The following ACSS1 variants were observed in gnomAD, a reference collection of about 807,000 sequenced individuals.
ACSS1 encodes acetyl-coenzyme A synthetase 2-like, mitochondrial.
Under a neutral mutation model 75.3 loss-of-function variants are expected in ACSS1, and 42 were observed. The observed-to-expected ratio is 0.56, with a 90% CI of 0.44 to 0.72. ACSS1 has a LOEUF of 0.72. ACSS1 is among the 30% of genes least tolerant of loss of function. The pLI, the probability that ACSS1 is intolerant of heterozygous loss-of-function variation, is 0.00. For synonymous variants in ACSS1, 380 were observed against 376.8 expected, an observed-to-expected ratio of 1.01 and a Z score of -0.10; for missense variants, 782 against 935.7, an observed-to-expected ratio of 0.84 and a Z score of 2.14.
Position 25,015,274 on chromosome 20 carries a change from A to G in ACSS1, c.1247-44T>C, listed in dbSNP as rs1248914628. On this transcript the variant is annotated intron_variant, in intron 7 of 13. Transcript: ENST00000323482. ...AAAAAGATGTTAACAGGCTGCAAAT[A>G]AACCTGAAACCAAAGGGAAGTTTTG... 6 of 1,499,066 alleles carry G rather than the reference A, an allele frequency of 4.0e-6. No homozygotes were observed. In the East Asian group the frequency reaches 1.4e-4, roughly 35 times the overall value. The allele number at this position is 1,499,066 out of a possible 1,614,324, so 92.9% of individuals were successfully genotyped here. A position where few individuals can be genotyped will look rare whatever the true frequency, so the allele number is the denominator to read the frequency against.
chr20:25,012,802 C>T lies in ACSS1; in HGVS notation c.1707+10G>A, dbSNP rs1424342683. ...GTAGGAGTGAAGGAGGAGGCCCAGCCTGTGCTCACGATGGCGTCCTCAATC... is the reference window on the plus strand; with the variant it reads ...GTAGGAGTGAAGGAGGAGGCCCAGCTTGTGCTCACGATGGCGTCCTCAATC... On this transcript the variant is annotated intron_variant, in intron 11 of 13. Coordinates refer to ENST00000323482, the MANE Select transcript of ACSS1 (RefSeq NM_032501.4). The T allele has an allele frequency of 4.3e-6, 7 of 1,613,876 alleles. No individual in the cohort carries two copies. Among genetic ancestry groups the T allele is most frequent in the Non-Finnish European group, 5.1e-6 (6 of 1,179,918 alleles).
chr20:25,055,711 A>G (rs1241181084), intron 1 of ACSS1, among the ~76,000 whole-genome samples: 1 of 152,230 alleles, frequency 6.6e-6, no homozygotes, highest in Non-Finnish European at 1.5e-5. Flanking sequence ...CCATGCGTTG[A>G]GAACCACTGG....
At chr20:25,013,008 C>A in intron 10 of ACSS1, 69 bp from the exon 11 acceptor site, 2 of 1,606,322 alleles carry the variant, frequency 1.2e-6, no homozygotes, top group Non-Finnish European at 8.5e-7. Context: ...CCTCAGTAAG[C>A]GTGAAGCTCT....
In ACSS1 at chr20:25,020,054, C is replaced by T; in HGVS notation, c.1202G>A (p.Trp401Ter). 1 of 1,614,248 alleles carries T rather than the reference C, an allele frequency of 6.2e-7. No homozygotes were observed. ...VRLLLKYGDA[W>*]VKKYDRSSLR... ...GGAGGAGCGATCATACTTCTTCACC[C>T]AGGCATCACCGTATTTCAGCAACAG... The change falls in exon 7 of 14, where the codon TGG becomes TAG. Residue 401 changes from tryptophan to a stop codon, truncating the protein, a stop_gained. Coordinates refer to ENST00000323482, the MANE Select transcript of ACSS1 (RefSeq NM_032501.4). LOFTEE classifies it high-confidence loss of function.
intron 1 of ACSS1, among the ~76,000 whole-genome samples, chr20:25,055,201 C>G (rs2089225461): frequency 6.6e-6 from 1 of 152,238 alleles, no homozygotes; most frequent in African/African-American, 2.4e-5. Context: ...GTCCAAAGTC[C>G]TGACTCACAG....
At chr20:25,009,005 T>G (rs2088360621) in intron 13 of ACSS1, among the ~76,000 whole-genome samples, 1 of 152,204 alleles carries the variant, frequency 6.6e-6, no homozygotes, top group Non-Finnish European at 1.5e-5. Context: ...TAGGCCTGCC[T>G]AGGCAACCTC....
chr20:25,013,877 G>T, intron 9 of ACSS1, 84 bp downstream of exon 9: 1 of 1,438,708 alleles, frequency 7.0e-7, no homozygotes, highest in Non-Finnish European at 9.6e-7. Context: ...ACAGACCTGG[G>T]CACACAGGAG....
Position 25,007,101 on chromosome 20 carries a change from A to G in ACSS1, c.*661T>C. ...CACAGGAGAAACACTCACCAGGAAA[A>G]GATGCCGGAGGCTTGGAAGTTCTCA... On this transcript the variant is annotated 3_prime_UTR_variant, in exon 14 of 14. Coordinates refer to ENST00000323482, the MANE Select transcript of ACSS1 (RefSeq NM_032501.4). The G allele has an allele frequency of 7.1e-7, 1 of 1,408,848 alleles. No homozygotes were observed. The highest frequency in any genetic ancestry group is 1.6e-5 in the South Asian group (1 of 62,642). The allele number at this position is 1,408,848 out of a possible 1,614,324, so 87.3% of individuals were successfully genotyped here.
chr20:25,053,064 T>C (rs2089197051), intron 1 of ACSS1, among the ~76,000 whole-genome samples: 1 of 147,102 alleles, frequency 6.8e-6, no homozygotes, highest in Admixed American at 6.7e-5. Flanking sequence ...AATGAGCTTT[T>C]TTTTTTTTTT....
chr20:25,040,426 C>A (rs373901850), intron 2 of ACSS1, among the ~76,000 whole-genome samples: 1 of 152,248 alleles, frequency 6.6e-6, no homozygotes, highest in East Asian at 1.9e-4. Flanking sequence ...ACAGACACAG[C>A]CACACAGGTG....
chr20:25,058,112 C>A lies in ACSS1; in HGVS notation c.-10G>T. ...GGGTGCGCGCCGCCATCTAGGCAGGCTACCTGAGCTCTCTGTGCTCCCAGA... is the reference window on the plus strand; with the variant it reads ...GGGTGCGCGCCGCCATCTAGGCAGGATACCTGAGCTCTCTGTGCTCCCAGA... On this transcript the variant is annotated 5_prime_UTR_variant, in exon 1 of 14. Coordinates refer to ENST00000323482, the MANE Select transcript of ACSS1 (RefSeq NM_032501.4). 8.0e-7 allele frequency: 1 copy of A among 1,245,174 alleles called. No individual in the cohort carries two copies. Among genetic ancestry groups the A allele is most frequent in the Non-Finnish European group, 1.0e-6 (1 of 996,720 alleles). The allele number at this position is 1,245,174 out of a possible 1,614,324, so 77.1% of individuals were successfully genotyped here. A position where few individuals can be genotyped will look rare whatever the true frequency, so the allele number is the denominator to read the frequency against.
intron 2 of ACSS1, chr20:25,032,733 C>T (rs915182945): frequency 3.6e-6 from 4 of 1,109,780 alleles, no homozygotes; most frequent in Admixed American, 5.0e-5. Context: ...CTCAACGAGG[C>T]CACCCGGGAA....
chr20:25,049,224 A>G (rs1282591738), intron 1 of ACSS1, among the ~76,000 whole-genome samples: 3 of 152,220 alleles, frequency 2.0e-5, no homozygotes, highest in African/African-American at 7.2e-5. Context: ...AATAAAAACA[A>G]GAAGACAAAC....
chr20:25,036,281 G>C (rs988713636), intron 2 of ACSS1, among the ~76,000 whole-genome samples: 2 of 152,180 alleles, frequency 1.3e-5, no homozygotes, highest in Non-Finnish European at 2.9e-5. Context: ...GGAAAACGCT[G>C]ACTGGCCTTG....
At position 25,021,513 on chromosome 20, in the gene ACSS1, A is replaced by C; in HGVS notation, c.984T>G (p.Gly328=). Reference sequence around the variant, plus strand: ...TGTCGGCCACACAGCCAAAGATGTCACCTGGCTGGTGGTCAAACACAAGCT... The same window carrying C: ...TGTCGGCCACACAGCCAAAGATGTCCCCTGGCTGGTGGTCAAACACAAGCT... ...THKLVFDHQP[G]DIFGCVADIG... is the part of the protein sequence containing the mutation. Residue 328 remains glycine (G), a synonymous_variant, in exon 6 of 14, where the codon GGT becomes GGG. Transcript: ENST00000323482. The C allele has an allele frequency of 6.2e-7, 1 of 1,614,094 alleles. No homozygotes were observed. The highest frequency in any genetic ancestry group is 8.5e-7 in the Non-Finnish European group (1 of 1,179,974).
At position 25,057,962 on chromosome 20, in the gene ACSS1, T is replaced by G; in HGVS notation, c.141A>C (p.Ala47=). The G allele has an allele frequency of 6.3e-7, 1 of 1,589,308 alleles. No homozygotes were observed. The highest frequency in any genetic ancestry group is 8.6e-7 in the Non-Finnish European group (1 of 1,168,866). ...AASGPSGSAP[A]VAAAAAQPGS... Reference sequence around the variant, plus strand: ...CTGGCTGTGCTGCTGCTGCTGCAACTGCGGGAGCGCTGCCCGAGGGTCCCG... The same window carrying G: ...CTGGCTGTGCTGCTGCTGCTGCAACGGCGGGAGCGCTGCCCGAGGGTCCCG... The change falls in exon 1 of 14, where the codon GCA becomes GCC. Residue 47 remains alanine (A), a synonymous_variant. Transcript: ENST00000323482.
intron 2 of ACSS1, among the ~76,000 whole-genome samples, chr20:25,047,360 C>G (rs1427293877): frequency 2.6e-5 from 4 of 151,314 alleles, no homozygotes. Context: ...GCCCACAGGA[C>G]CTCAGCTGGA....
At chr20:25,031,698 C>A (rs550688118) in intron 2 of ACSS1, among the ~76,000 whole-genome samples, 1 of 152,260 alleles carries the variant, frequency 6.6e-6, no homozygotes, top group South Asian at 2.1e-4. Context: ...GATTCCTTCC[C>A]GGCATGATCC....
intron 2 of ACSS1, among the ~76,000 whole-genome samples, chr20:25,044,344 C>A (rs959461213): frequency 3.3e-5 from 5 of 152,206 alleles, no homozygotes; most frequent in Non-Finnish European, 7.3e-5. Context: ...AAAACAGGCA[C>A]CGGCCAGGCG....
Sources: gnomAD v4.1 joint callset for allele counts (sites outside exome capture counted in the v4.1 genomes callset) on GRCh38, gnomAD v4.1.1 for gene constraint, MANE v1.5 for transcripts, NCBI Gene and HGNC (gene_info 2026-07-23, HGNC 2026-07-21) for gene names.